SCN9A: variants seen among roughly 807,000 people sequenced by gnomAD.
SCN9A encodes sodium channel protein type 9 subunit alpha.
A neutral mutation model predicts 187.0 loss-of-function variants in SCN9A; 131 were observed. The observed-to-expected ratio is 0.70, with a 90% CI of 0.61 to 0.81. SCN9A has a LOEUF of 0.81. Among genes scored for constraint, SCN9A ranks in the 30% least tolerant of loss-of-function variants. SCN9A has a pLI of 0.00. For synonymous variants in SCN9A, 809 were observed against 808.6 expected, an observed-to-expected ratio of 1.00 and a Z score of -0.01; for missense variants, 2,252 against 2,396.6, an observed-to-expected ratio of 0.94 and a Z score of 1.26.
chr2:166,199,823 G>A lies in SCN9A; in HGVS notation c.4816C>T (p.Pro1606Ser), dbSNP rs762076834. The change falls in exon 27 of 27, where the codon CCT becomes TCT. Residue 1606 changes from proline to serine, a missense_variant. Around this residue, in one of 7 missense-constraint regions of SCN9A, gnomAD observed 84 missense variants for 134.2 expected, o/e 0.63. Coordinates refer to ENST00000642356, the MANE Select transcript of SCN9A (RefSeq NM_001365536.1). ...AGACGGATCACTCGGAACAGGGTAG[G>A]GGACACAAAATACGTTTCAATCAAA... ...ADLIETYFVS[P>S]TLFRVIRLAR... 1 of 1,613,750 alleles carries A rather than the reference G, an allele frequency of 6.2e-7. No homozygotes were observed. Among genetic ancestry groups the A allele is most frequent in the Non-Finnish European group, 8.5e-7 (1 of 1,179,918 alleles).
At chr2:166,339,541 C>T (rs1025141056) in intron 1 of SCN9A, among the ~76,000 whole-genome samples, 10 of 152,074 alleles carry the variant, frequency 6.6e-5, no homozygotes, top group African/African-American at 2.2e-4. Context: ...TTTTTATAGA[C>T]TCCCTCTGTT....
chr2:166,311,346 A>ATATG (rs1698943610), intron 2 of SCN9A, among the ~76,000 whole-genome samples, 153 bp downstream of exon 2: 1 of 75,794 alleles, frequency 1.3e-5, no homozygotes, highest in Non-Finnish European at 2.7e-5. Context: ...ATATATATAT[A>ATATG]TATATATATA....
chr2:166,199,599 A>T lies in SCN9A; in HGVS notation c.5040T>A (p.Asn1680Lys). 2 of 1,614,228 alleles carry T rather than the reference A, an allele frequency of 1.2e-6. No homozygotes were observed. Among genetic ancestry groups the T allele is most frequent in the Non-Finnish European group, 1.7e-6 (2 of 1,180,034 alleles). ...KKEDGINDMF[N>K]FETFGNSMIC... Reference sequence around the variant, plus strand: ...TCATACTGTTGCCAAAGGTCTCAAAATTGAACATGTCATTAATTCCATCTT... The same window carrying T: ...TCATACTGTTGCCAAAGGTCTCAAATTTGAACATGTCATTAATTCCATCTT... Residue 1680 changes from asparagine to lysine, a missense_variant, in exon 27 of 27, where the codon AAT (asparagine) becomes AAA (lysine). By Grantham distance (94) the Asn-to-Lys change is moderately conservative. Transcript: ENST00000642356.
At chr2:166,308,466 C>T (rs1246292903) in intron 2 of SCN9A, among the ~76,000 whole-genome samples, 4 of 152,146 alleles carry the variant, frequency 2.6e-5, no homozygotes, top group Non-Finnish European at 5.9e-5. Flanking sequence ...TCCTCTTTCT[C>T]CCTCTCCTGC....
intron 1 of SCN9A, among the ~76,000 whole-genome samples, chr2:166,358,069 T>G (rs1700193617): frequency 6.6e-6 from 1 of 150,530 alleles, no homozygotes; most frequent in Non-Finnish European, 1.5e-5. Context: ...TTTATTTATT[T>G]ATTTATTTAT....
chr2:166,201,052 C>T (rs944910273), intron 26 of SCN9A, among the ~76,000 whole-genome samples: 11 of 151,902 alleles, frequency 7.2e-5, no homozygotes, highest in African/African-American at 2.2e-4. Flanking sequence ...TGAAGACTAG[C>T]ATTTATACTG....
intron 17 of SCN9A, among the ~76,000 whole-genome samples, chr2:166,256,532 A>C (rs1175128791): frequency 6.6e-6 from 1 of 151,596 alleles, no homozygotes; most frequent in East Asian, 1.9e-4. Flanking sequence ...CCACTAATTT[A>C]GCAGAAAATT....
chr2:166,326,067 A>G (rs1699355597), intron 1 of SCN9A, among the ~76,000 whole-genome samples: 1 of 152,148 alleles, frequency 6.6e-6, no homozygotes, highest in Non-Finnish European at 1.5e-5. Flanking sequence ...ATGAAAACAG[A>G]AAAATTTCCA....
intron 7 of SCN9A, chr2:166,302,107 TC>T (rs1295086529): frequency 1.3e-5 from 2 of 150,992 alleles, no homozygotes; most frequent in Non-Finnish European, 2.9e-5. Flanking sequence ...CTCCCTCATT[TC>T]CTTTTGGCAA....
At chr2:166,338,634 C>T (rs889044415) in intron 1 of SCN9A, among the ~76,000 whole-genome samples, 9 of 152,118 alleles carry the variant, frequency 5.9e-5, no homozygotes, top group African/African-American at 2.2e-4. Flanking sequence ...ATATTACTAT[C>T]TGAATTGCAA....
chr2:166,361,438 GGCAATATAT>G (rs1700283059), intron 1 of SCN9A, among the ~76,000 whole-genome samples: 1 of 151,978 alleles, frequency 6.6e-6, no homozygotes, highest in South Asian at 2.1e-4. Flanking sequence ...ACCAACAGGT[GGCAATATAT>G]GCCACACACA....
chr2:166,309,704 C>G (rs1046825975), intron 2 of SCN9A, among the ~76,000 whole-genome samples: 5 of 146,368 alleles, frequency 3.4e-5, no homozygotes, highest in African/African-American at 1.3e-4. Context: ...CAATGCCATC[C>G]CCATCAAGCT....
intron 1 of SCN9A, among the ~76,000 whole-genome samples, chr2:166,365,626 A>G (rs1324174542): frequency 3.3e-5 from 5 of 152,118 alleles, no homozygotes; most frequent in Non-Finnish European, 7.4e-5. Context: ...GGGCTTTTGC[A>G]ATTGCTGTTT....
chr2:166,361,465 T>C (rs1424903093), intron 1 of SCN9A, among the ~76,000 whole-genome samples: 3 of 152,146 alleles, frequency 2.0e-5, no homozygotes, highest in African/African-American at 7.2e-5. Flanking sequence ...ACAGCCATTT[T>C]AGTCCTGCCA....
rs989307685 is a variant in SCN9A, at chr2:166,317,599, CAT to C, written c.-50-5795_-50-5794del. Among the ~76,000 whole-genome samples, 4 of 152,274 alleles carry C rather than the reference CAT, an allele frequency of 2.6e-5. No individual in the cohort carries two copies. The South Asian group carries it at 8.3e-4, about 32-fold the overall frequency. On this transcript the variant is annotated intron_variant, in intron 1 of 26. Transcript: ENST00000642356. ...TATTTTCTATGTATGCAGACACACACATATATATAGATATGTTTTATCTATGC... is the reference window on the plus strand; with the variant it reads ...TATTTTCTATGTATGCAGACACACACATATATAGATATGTTTTATCTATGC...
At chr2:166,373,158 G>A (rs1434564201) in intron 1 of SCN9A, among the ~76,000 whole-genome samples, 1 of 152,166 alleles carries the variant, frequency 6.6e-6, no homozygotes, top group Non-Finnish European at 1.5e-5. Flanking sequence ...ACCTGGGCAG[G>A]AGCACCTTAA....
At chr2:166,314,570 A>T (rs1699062134) in intron 1 of SCN9A, among the ~76,000 whole-genome samples, 1 of 152,226 alleles carries the variant, frequency 6.6e-6, no homozygotes, top group Non-Finnish European at 1.5e-5. Flanking sequence ...TTACTCACCA[A>T]TGAATAAATG....
At chr2:166,275,216 T>C (rs3935511) in intron 16 of SCN9A, among the ~76,000 whole-genome samples, 85,234 of 152,024 alleles carry the variant, frequency 0.56, 25,275 homozygotes, top group African/African-American at 0.77. Flanking sequence ...TATTTGTGAT[T>C]ATTGGCTTTG....
chr2:166,341,741 C>A (rs1286167114), intron 1 of SCN9A, among the ~76,000 whole-genome samples: 2 of 152,118 alleles, frequency 1.3e-5, no homozygotes, highest in Admixed American at 1.3e-4. Flanking sequence ...TTTGCTATGA[C>A]ACAGTACAGA....
Sources: gnomAD v4.1 joint callset for allele counts (sites outside exome capture counted in the v4.1 genomes callset) on GRCh38, gnomAD v4.1.1 for gene constraint, gnomAD v4.1.1 regional missense constraint, MANE v1.5 for transcripts, NCBI Gene and HGNC (gene_info 2026-07-23, HGNC 2026-07-21) for gene names.